MACROD1: variants seen among roughly 807,000 people sequenced by gnomAD.
The protein encoded by MACROD1 is mono-ADP ribosylhydrolase 1, also known as ADP-ribose glycohydrolase MACROD1.
A neutral mutation model predicts 41.4 loss-of-function variants in MACROD1; 31 were observed. The ratio of observed to expected loss-of-function variants is 0.75; its 90% CI spans 0.56 to 1.01. MACROD1 has a LOEUF of 1.01. Ranked by LOEUF, MACROD1 falls within the 50% of genes least tolerant of loss-of-function variation. The probability of loss-of-function intolerance (pLI) is 0.00; values close to 1 mark genes in which losing one functional copy is unlikely to be tolerated. For missense variants in MACROD1, 473 were observed against 460.0 expected (o/e 1.03, Z -0.26); for synonymous variants, 252 against 203.4 (o/e 1.24, Z -2.03).
intron 1 of MACROD1, among the ~76,000 whole-genome samples, chr11:64,158,440 G>A (rs1945702661): frequency 6.6e-6 from 1 of 152,058 alleles, no homozygotes; most frequent in Admixed American, 6.6e-5. Flanking sequence ...GACAAGGTCT[G>A]GATATATTGC....
At position 64,096,297 on chromosome 11, in the gene MACROD1, C is replaced by T. The variant is rs763943317; in HGVS notation, c.517+54942G>A. On this transcript the variant is annotated intron_variant, in intron 3 of 10. Transcript: ENST00000255681. This position sits in a 1 kb window ranked among gnomAD's most constrained non-coding sequence, Gnocchi z 4.6. Reference sequence around the variant, plus strand: ...AAGAGGTTCCGGCCTTGGCTGGTGGCGCCAGGTTCATCACCCCGAGCTTCC... The same window carrying T: ...AAGAGGTTCCGGCCTTGGCTGGTGGTGCCAGGTTCATCACCCCGAGCTTCC... Among the ~76,000 whole-genome samples, 49 of 152,192 alleles carry T rather than the reference C, an allele frequency of 3.2e-4. No homozygotes were observed. Among genetic ancestry groups the T allele is most frequent in the Non-Finnish European group, 5.4e-4 (37 of 68,042 alleles).
intron 3 of MACROD1, among the ~76,000 whole-genome samples, chr11:64,150,324 G>C (rs1244368485): frequency 1.3e-5 from 2 of 152,344 alleles, no homozygotes; most frequent in South Asian, 4.1e-4. Flanking sequence ...AGCGCAAAGT[G>C]GGGACGAAGG....
chr11:64,110,512 G>C (rs1944842519), intron 3 of MACROD1, among the ~76,000 whole-genome samples: 1 of 151,890 alleles, frequency 6.6e-6, no homozygotes, highest in Non-Finnish European at 1.5e-5. Flanking sequence ...TTTGAACCCA[G>C]GCCTCTCTGT....
At position 64,036,956 on chromosome 11, in the gene MACROD1, CGAG is replaced by C. The variant is rs1432778693; in HGVS notation, c.518-21678_518-21676del. ...GGAACCGTGGTTGATCAGAGCTCCC[CGAG>C]GAGGAGAAAGTTGTGGAACAGGGAC... On this transcript the variant is annotated intron_variant, in intron 3 of 10. Coordinates refer to ENST00000255681, the MANE Select transcript of MACROD1 (RefSeq NM_014067.4). The surrounding 1 kb of genome is among the most constrained non-coding windows in gnomAD (Gnocchi z 5.6). Among the ~76,000 whole-genome samples the C allele has an allele frequency of 1.3e-5, 2 of 152,196 alleles. No individual in the cohort carries two copies. The highest frequency in any genetic ancestry group is 2.4e-5 in the African/African-American group (1 of 41,450).
intron 4 of MACROD1, among the ~76,000 whole-genome samples, chr11:64,004,274 G>A (rs946553966): frequency 3.4e-4 from 52 of 152,220 alleles, no homozygotes; most frequent in African/African-American, 1.2e-3. Flanking sequence ...GCAGTGGAGG[G>A]CACCAGGAGT....
chr11:64,117,111 A>G lies in MACROD1; in HGVS notation c.517+34128T>C, dbSNP rs1380390629. The G allele has an allele frequency of 1.2e-6, 2 of 1,608,402 alleles. No individual in the cohort carries two copies. The highest frequency in any genetic ancestry group is 1.1e-5 in the South Asian group (1 of 90,342). On this transcript the variant is annotated intron_variant, in intron 3 of 10. Coordinates refer to ENST00000255681, the MANE Select transcript of MACROD1 (RefSeq NM_014067.4). ...GAAGCTCTACCTGCAGGACAATGCC[A>G]TCAGCCACATCCCCTACAACACGCT...
Position 64,151,056 on chromosome 11 carries a change from G to T in MACROD1, c.517+183C>A, listed in dbSNP as rs541872744. On this transcript the variant is annotated intron_variant, in intron 3 of 10. Coordinates refer to ENST00000255681, the MANE Select transcript of MACROD1 (RefSeq NM_014067.4). ...AGGCGCCCCCGACACAGCAGGTCAG[G>T]GTTTCAAGGGAAGAGGAGCCCGAGT... 1.3e-3 allele frequency among the ~76,000 whole-genome samples: 195 copies of T among 152,344 alleles called. 2 individuals carry two copies. Among genetic ancestry groups the T allele is most frequent in the African/African-American group, 4.5e-3 (188 of 41,584 alleles).
intron 3 of MACROD1, among the ~76,000 whole-genome samples, chr11:64,128,794 C>G (rs1945224173): frequency 9.5e-6 from 1 of 105,510 alleles, no homozygotes; most frequent in Admixed American, 1.3e-4. Context: ...CCTCGCTTGG[C>G]TGAGCCCAGA....
At chr11:64,160,297 C>T (rs116605808) in intron 1 of MACROD1, among the ~76,000 whole-genome samples, 256 of 152,282 alleles carry the variant, frequency 1.7e-3, no homozygotes, top group African/African-American at 6.0e-3. Flanking sequence ...AGAGGAGGCT[C>T]TGCTCAGGCA....
At chr11:64,093,296 C>G (rs1218938097) in intron 3 of MACROD1, among the ~76,000 whole-genome samples, 2 of 152,222 alleles carry the variant, frequency 1.3e-5, no homozygotes, top group Non-Finnish European at 2.9e-5. Flanking sequence ...AGAACTCGAT[C>G]GAGTCAGCTG....
At chr11:64,126,382 C>G (rs370733457) in intron 3 of MACROD1, among the ~76,000 whole-genome samples, 1 of 151,938 alleles carries the variant, frequency 6.6e-6, no homozygotes, top group African/African-American at 2.4e-5. Flanking sequence ...TGTGTGGCGT[C>G]GAAATAGGCT....
intron 3 of MACROD1, among the ~76,000 whole-genome samples, chr11:64,068,712 G>C (rs1944050645): frequency 6.6e-6 from 1 of 152,228 alleles, no homozygotes; most frequent in African/African-American, 2.4e-5. Context: ...TCCCAGCTGA[G>C]GGCAGAGAAG....
intron 3 of MACROD1, among the ~76,000 whole-genome samples, chr11:64,044,405 A>C (rs1213159884): frequency 6.6e-6 from 1 of 151,902 alleles, no homozygotes; most frequent in Admixed American, 6.6e-5. Context: ...GCACGCACCA[A>C]CACACTGGCT....
intron 2 of MACROD1, 117 bp downstream of exon 2, chr11:64,152,175 C>A: frequency 1.3e-6 from 1 of 766,172 alleles, no homozygotes; most frequent in Non-Finnish European, 2.3e-6. Context: ...ACGCGGAGCA[C>A]CTGCCTGCAG....
intron 3 of MACROD1, among the ~76,000 whole-genome samples, chr11:64,031,631 A>G (rs1943296739): frequency 6.6e-6 from 1 of 152,148 alleles, no homozygotes; most frequent in Non-Finnish European, 1.5e-5. Flanking sequence ...GGCATCCGCC[A>G]CCATGCCAGC....
At chr11:64,050,201 C>G (rs11231682) in intron 3 of MACROD1, among the ~76,000 whole-genome samples, 4,158 of 152,222 alleles carry the variant, frequency 0.027, 91 homozygotes, top group Middle Eastern at 0.051. Context: ...CTCCCTAGAC[C>G]CCAGCCTGGG....
chr11:64,018,164 T>C (rs1002482439), intron 3 of MACROD1, among the ~76,000 whole-genome samples: 1 of 152,086 alleles, frequency 6.6e-6, no homozygotes, highest in Non-Finnish European at 1.5e-5. Context: ...GGCCCAGTGC[T>C]GGGGGCTCAG....
intron 3 of MACROD1, among the ~76,000 whole-genome samples, chr11:64,065,336 T>C (rs1325245185): frequency 2.0e-5 from 3 of 152,162 alleles, no homozygotes; most frequent in African/African-American, 7.2e-5. Context: ...GGCTTTGTTC[T>C]GAGGGCGGCT....
intron 3 of MACROD1, chr11:64,148,624 T>A (rs1389274934): frequency 1.6e-6 from 1 of 638,314 alleles, no homozygotes; most frequent in Non-Finnish European, 1.9e-6. Context: ...ATGATTATAA[T>A]CAAGTCAAAT....
Sources: allele counts gnomAD v4.1 joint callset (sites outside exome capture counted in the v4.1 genomes callset), GRCh38; gene constraint gnomAD v4.1.1; non-coding constraint Gnocchi (gnomAD v3.1); transcripts MANE v1.5; gene names NCBI Gene and HGNC (gene_info 2026-07-23, HGNC 2026-07-21).